Variants in CNTNAP5 observed in about 807,000 individuals in gnomAD.
The protein encoded by CNTNAP5 is contactin-associated protein-like 5.
CNTNAP5 carries 72 observed loss-of-function variants against 150.2 expected under a neutral mutation model. The observed-to-expected ratio is 0.48, with a 90% CI of 0.40 to 0.58. CNTNAP5 has a LOEUF of 0.58. Among genes scored for constraint, CNTNAP5 ranks in the 20% least tolerant of loss-of-function variants. CNTNAP5 has a pLI of 0.00. For synonymous variants in CNTNAP5, 672 were observed against 619.8 expected (o/e 1.08, Z -1.25); for missense variants, 1,636 against 1,626.2 (o/e 1.01, Z -0.10).
chr2:124,553,551 G>T (rs963460076), intron 10 of CNTNAP5, among the ~76,000 whole-genome samples: 8 of 149,742 alleles, frequency 5.3e-5, no homozygotes, highest in African/African-American at 1.7e-4. Context: ...TAAAAGGATT[G>T]ATTATGCAGT....
chr2:124,240,487 C>A (rs969306670), intron 2 of CNTNAP5, among the ~76,000 whole-genome samples: 3 of 152,110 alleles, frequency 2.0e-5, no homozygotes, highest in South Asian at 4.1e-4. Flanking sequence ...TTAAGCCATG[C>A]ACTCACTGCA....
intron 19 of CNTNAP5, among the ~76,000 whole-genome samples, chr2:124,823,468 A>G (rs568244407): frequency 1.1e-4 from 17 of 152,358 alleles, no homozygotes; most frequent in African/African-American, 4.1e-4. Flanking sequence ...GGTTACGTAC[A>G]GAAAGAGTAA....
intron 1 of CNTNAP5, among the ~76,000 whole-genome samples, chr2:124,180,195 G>A (rs1218543669): frequency 6.6e-6 from 1 of 152,118 alleles, no homozygotes; most frequent in Non-Finnish European, 1.5e-5. Context: ...GAGCCTGCAT[G>A]GCTGAGATGA....
intron 21 of CNTNAP5, among the ~76,000 whole-genome samples, chr2:124,878,193 G>T (rs967701607): frequency 6.6e-6 from 1 of 152,088 alleles, no homozygotes. Context: ...GGTAGAGTGA[G>T]GGAGTCTTTA....
At chr2:124,492,703 C>T (rs1387320078) in intron 7 of CNTNAP5, among the ~76,000 whole-genome samples, 2 of 151,932 alleles carry the variant, frequency 1.3e-5, no homozygotes, top group African/African-American at 2.4e-5. Flanking sequence ...TCTTATTACT[C>T]GAACATGGGA....
At chr2:124,620,998 G>A (rs1415355052) in intron 12 of CNTNAP5, among the ~76,000 whole-genome samples, 1 of 152,114 alleles carries the variant, frequency 6.6e-6, no homozygotes, top group Non-Finnish European at 1.5e-5. Flanking sequence ...AGAGGCTCTT[G>A]GAGCCTGGAG....
intron 1 of CNTNAP5, among the ~76,000 whole-genome samples, chr2:124,156,175 A>G (rs1205553658): frequency 1.3e-5 from 2 of 152,230 alleles, no homozygotes; most frequent in African/African-American, 4.8e-5. Context: ...TCGACTCTGA[A>G]AGAATCTTAA....
intron 13 of CNTNAP5, among the ~76,000 whole-genome samples, chr2:124,710,239 A>C (rs1027124756): frequency 6.6e-6 from 1 of 152,196 alleles, no homozygotes; most frequent in South Asian, 2.1e-4. Context: ...GAAACTCTTT[A>C]TAATAAATCT....
intron 1 of CNTNAP5, among the ~76,000 whole-genome samples, chr2:124,178,244 T>A (rs916624525): frequency 4.6e-5 from 7 of 152,216 alleles, no homozygotes; most frequent in African/African-American, 1.4e-4. Context: ...CTCAGTGATG[T>A]ATTTCTTTCA....
At chr2:124,775,550 C>T in intron 17 of CNTNAP5, among the ~76,000 whole-genome samples, 1 of 152,180 alleles carries the variant, frequency 6.6e-6, no homozygotes, top group East Asian at 1.9e-4. Context: ...ATGAGTGTTT[C>T]CTGAGTACCA....
chr2:124,628,948 A>C (rs1677788088), intron 12 of CNTNAP5, among the ~76,000 whole-genome samples: 1 of 152,190 alleles, frequency 6.6e-6, no homozygotes, highest in Non-Finnish European at 1.5e-5. Flanking sequence ...AAGCCAACAA[A>C]GGTAAAAAAA....
intron 10 of CNTNAP5, among the ~76,000 whole-genome samples, chr2:124,550,838 T>C (rs1318443719): frequency 6.6e-6 from 1 of 152,172 alleles, no homozygotes; most frequent in Non-Finnish European, 1.5e-5. Flanking sequence ...TATATTATTT[T>C]ATAGTTTGGT....
chr2:124,794,857 TA>T (rs1681811950), intron 18 of CNTNAP5, among the ~76,000 whole-genome samples: 1 of 152,188 alleles, frequency 6.6e-6, no homozygotes, highest in South Asian at 2.1e-4. Context: ...CGTATATTGC[TA>T]AAAGATAAGC....
At chr2:124,573,568 C>T (rs2104941861) in intron 11 of CNTNAP5, among the ~76,000 whole-genome samples, 1 of 152,260 alleles carries the variant, frequency 6.6e-6, no homozygotes. Context: ...ATGTTGCTTC[C>T]ATTGGAGAAT....
chr2:124,427,075 G>A (rs1218526624), intron 4 of CNTNAP5, among the ~76,000 whole-genome samples: 1 of 151,822 alleles, frequency 6.6e-6, no homozygotes, highest in Non-Finnish European at 1.5e-5. Context: ...AATCGATTTT[G>A]AAAAAAGGGG....
At chr2:124,516,405 G>A (rs1694718626) in intron 8 of CNTNAP5, among the ~76,000 whole-genome samples, 1 of 152,122 alleles carries the variant, frequency 6.6e-6, no homozygotes. Context: ...AGTTTTCTGG[G>A]GAAGATAAAG....
chr2:124,341,807 T>C (rs1351578554), intron 3 of CNTNAP5, among the ~76,000 whole-genome samples: 1 of 152,172 alleles, frequency 6.6e-6, no homozygotes, highest in African/African-American at 2.4e-5. Context: ...GATTGTAGTT[T>C]GCGTGTTATG....
chr2:124,333,528 T>A (rs1039758389), intron 3 of CNTNAP5, among the ~76,000 whole-genome samples: 2 of 152,168 alleles, frequency 1.3e-5, no homozygotes, highest in Admixed American at 6.6e-5. Flanking sequence ...TATATGTCAA[T>A]GTAATATAAA....
chr2:124,358,807 T>C (rs1204023379), intron 3 of CNTNAP5, among the ~76,000 whole-genome samples: 1 of 151,640 alleles, frequency 6.6e-6, no homozygotes, highest in Non-Finnish European at 1.5e-5. Context: ...ATCAGAATGA[T>C]GCTGGCCTCA....
Sources: gnomAD v4.1 joint callset for allele counts (sites outside exome capture counted in the v4.1 genomes callset) on GRCh38, gnomAD v4.1.1 for gene constraint, MANE v1.5 for transcripts, NCBI Gene and HGNC (gene_info 2026-07-23, HGNC 2026-07-21) for gene names.